MAF: variants seen among roughly 807,000 people sequenced by gnomAD.
MAF encodes transcription factor Maf.
MAF carries 10 observed loss-of-function variants against 22.0 expected under a neutral mutation model. The observed-to-expected ratio is 0.45, with a 90% CI of 0.28 to 0.77. MAF has a LOEUF of 0.77. MAF is among the 30% of genes least tolerant of loss of function. MAF has a pLI of 0.12. For synonymous variants in MAF, 337 were observed against 255.8 expected, an observed-to-expected ratio of 1.32 and a Z score of -3.03; for missense variants, 544 against 548.4, an observed-to-expected ratio of 0.99 and a Z score of 0.08.
At chr16:79,444,605 G>A in the MAF span, among the ~76,000 whole-genome samples, 1 of 152,222 alleles carries the variant, frequency 6.6e-6, no homozygotes, top group African/African-American at 2.4e-5. Context: ...GGATCATTGT[G>A]AGAAGATTCG....
the MAF span, among the ~76,000 whole-genome samples, chr16:79,572,559 C>A: frequency 6.6e-6 from 1 of 152,314 alleles, no homozygotes; most frequent in Admixed American, 6.5e-5. Flanking sequence ...GACGGTTTCA[C>A]ATTTGAAAAT....
At chr16:79,207,386 G>A in the MAF span, among the ~76,000 whole-genome samples, 1 of 152,224 alleles carries the variant, frequency 6.6e-6, no homozygotes, top group African/African-American at 2.4e-5. Context: ...GTCCTGGGAC[G>A]TTAGTCATGG....
At chr16:79,459,477 A>G in the MAF span, among the ~76,000 whole-genome samples, 1 of 152,098 alleles carries the variant, frequency 6.6e-6, no homozygotes, top group Non-Finnish European at 1.5e-5. Context: ...TATCAGTACC[A>G]TGCTGTTTTT....
the MAF span, among the ~76,000 whole-genome samples, chr16:79,208,083 G>C: frequency 2.0e-5 from 3 of 152,314 alleles, no homozygotes; most frequent in South Asian, 2.1e-4. Context: ...TTTTGAAAGA[G>C]AATGATGAAT....
At chr16:79,220,834 A>G in the MAF span, among the ~76,000 whole-genome samples, 1 of 152,152 alleles carries the variant, frequency 6.6e-6, no homozygotes. Flanking sequence ...GGTATGTTTC[A>G]CCCAGGTGGA....
chr16:79,598,378 G>C, intron 1 of MAF: 4 of 1,178,936 alleles, frequency 3.4e-6, no homozygotes, highest in African/African-American at 1.7e-5. Flanking sequence ...GGCTTCAAAG[G>C]TGATCAACGT....
At chr16:79,223,344 C>G in the MAF span, among the ~76,000 whole-genome samples, 1 of 152,188 alleles carries the variant, frequency 6.6e-6, no homozygotes, top group African/African-American at 2.4e-5. Context: ...AGCAGAATCT[C>G]TGGGACACAT....
chr16:79,455,646 G>T, the MAF span, among the ~76,000 whole-genome samples: 1 of 152,280 alleles, frequency 6.6e-6, no homozygotes, highest in African/African-American at 2.4e-5. Flanking sequence ...AGATATGTCA[G>T]ATATATTTAC....
the MAF span, among the ~76,000 whole-genome samples, chr16:79,364,532 C>A: frequency 2.0e-5 from 3 of 152,184 alleles, no homozygotes; most frequent in African/African-American, 7.2e-5. Context: ...TTTTAATCCA[C>A]TGGGGACAGG....
the MAF span, among the ~76,000 whole-genome samples, chr16:79,518,346 G>T: frequency 3.2e-4 from 48 of 152,306 alleles, no homozygotes; most frequent in African/African-American, 1.0e-3. Context: ...CCTTCTCTGG[G>T]CATCTCAACA....
chr16:79,496,283 G>T, the MAF span, among the ~76,000 whole-genome samples: 2 of 152,128 alleles, frequency 1.3e-5, no homozygotes, highest in African/African-American at 2.4e-5. Context: ...GCTGCATTTT[G>T]GAAAAGGGTC....
the MAF span, among the ~76,000 whole-genome samples, chr16:79,451,894 G>C: frequency 0.42 from 64,644 of 152,114 alleles, 16,336 homozygotes; most frequent in Non-Finnish European, 0.57. Flanking sequence ...AAACTAGGTA[G>C]AGCAAATTTA....
chr16:79,537,887 G>A, the MAF span, among the ~76,000 whole-genome samples: 1 of 152,198 alleles, frequency 6.6e-6, no homozygotes, highest in African/African-American at 2.4e-5. Context: ...CTGGCTTGAT[G>A]TAGGTTCTCA....
chr16:79,380,352 T>C, the MAF span, among the ~76,000 whole-genome samples: 2 of 152,202 alleles, frequency 1.3e-5, no homozygotes, highest in African/African-American at 4.8e-5. Flanking sequence ...ATGATGACTA[T>C]AACAGTAATA....
At chr16:79,595,100 T>C (rs1913435814) in intron 1 of MAF, 2 of 1,043,414 alleles carry the variant, frequency 1.9e-6, no homozygotes, top group Non-Finnish European at 1.2e-6. Flanking sequence ...CTTCAGAGTT[T>C]GTGTATCTCT....
chr16:79,208,191 A>C, the MAF span, among the ~76,000 whole-genome samples: 2 of 152,230 alleles, frequency 1.3e-5, no homozygotes, highest in Non-Finnish European at 2.9e-5. Context: ...GGCAGCTCAC[A>C]AATGTTTGAC....
the MAF span, among the ~76,000 whole-genome samples, chr16:79,310,909 G>T: frequency 6.6e-6 from 1 of 152,216 alleles, no homozygotes; most frequent in Admixed American, 6.5e-5. Flanking sequence ...GAGTCTGCTG[G>T]CTGGCAGGTG....
chr16:79,565,235 GT>G, the MAF span, among the ~76,000 whole-genome samples: 1 of 152,224 alleles, frequency 6.6e-6, no homozygotes, highest in South Asian at 2.1e-4. Context: ...CCAATTACCT[GT>G]TTTTGTGGAA....
chr16:79,398,036 T>C, the MAF span, among the ~76,000 whole-genome samples: 1 of 152,226 alleles, frequency 6.6e-6, no homozygotes, highest in Non-Finnish European at 1.5e-5. Context: ...GCTAGGCTAA[T>C]ATTAAGGTGG....
Sources: gnomAD v4.1 joint callset for allele counts (sites outside exome capture counted in the v4.1 genomes callset) on GRCh38, gnomAD v4.1.1 for gene constraint, MANE v1.5 for transcripts, NCBI Gene and HGNC (gene_info 2026-07-23, HGNC 2026-07-21) for gene names.